The following TECRL variants were observed in gnomAD, a reference collection of about 807,000 sequenced individuals.
TECRL encodes the protein trans-2,3-enoyl-CoA reductase like.
In TECRL, 63 loss-of-function variants were observed where a neutral mutation model predicts 52.8. The observed-to-expected ratio is 1.19, with a 90% CI of 0.97 to 1.47. The LOEUF (loss-of-function observed/expected upper bound fraction) is 1.47. Among genes scored for constraint, TECRL ranks in the 40% most tolerant of loss-of-function variants. The probability of loss-of-function intolerance (pLI) is 0.00; values close to 1 mark genes in which losing one functional copy is unlikely to be tolerated. For missense variants in TECRL, 482 were observed against 429.6 expected, an observed-to-expected ratio of 1.12 and a Z score of -1.08; for synonymous variants, 164 against 141.9, an observed-to-expected ratio of 1.16 and a Z score of -1.10.
intron 2 of TECRL, among the ~76,000 whole-genome samples, chr4:64,334,370 T>G (rs1320377552): frequency 1.3e-5 from 2 of 152,178 alleles, no homozygotes; most frequent in Admixed American, 6.5e-5. Flanking sequence ...TTTGCAGTCT[T>G]GTAAATGCTA....
intron 1 of TECRL, among the ~76,000 whole-genome samples, chr4:64,384,899 A>G (rs1723070572): frequency 1.3e-5 from 2 of 152,038 alleles, no homozygotes; most frequent in South Asian, 2.1e-4. Flanking sequence ...GTTCTCCCCA[A>G]TGTTATCTGC....
chr4:64,332,492 C>A (rs1305688897), intron 2 of TECRL, among the ~76,000 whole-genome samples: 1 of 151,910 alleles, frequency 6.6e-6, no homozygotes, highest in East Asian at 1.9e-4. Flanking sequence ...TAATACCAGG[C>A]CTCAATAAAA....
intron 8 of TECRL, among the ~76,000 whole-genome samples, chr4:64,294,442 T>C (rs1173757824): frequency 6.6e-6 from 1 of 152,176 alleles, no homozygotes; most frequent in Non-Finnish European, 1.5e-5. Context: ...AGAAAATAGG[T>C]TATGATGCGT....
intron 2 of TECRL, among the ~76,000 whole-genome samples, chr4:64,370,418 T>C (rs1721895834): frequency 6.6e-6 from 1 of 151,882 alleles, no homozygotes; most frequent in South Asian, 2.1e-4. Flanking sequence ...GCTAATAATT[T>C]CTCAGAGACA....
chr4:64,346,827 T>G (rs1720023285), intron 2 of TECRL, among the ~76,000 whole-genome samples: 2 of 152,226 alleles, frequency 1.3e-5, no homozygotes, highest in African/African-American at 4.8e-5. Flanking sequence ...TCTCCTAGTC[T>G]CCTGGATATG....
chr4:64,389,261 ATAT>A (rs1240509249), intron 1 of TECRL, among the ~76,000 whole-genome samples: 3 of 151,764 alleles, frequency 2.0e-5, no homozygotes, highest in African/African-American at 7.3e-5. Flanking sequence ...TCTTTCGGAG[ATAT>A]TATTGATGAA....
In TECRL at chr4:64,322,669, C is replaced by T; in HGVS notation, c.435+20G>A. 1 of 1,524,974 alleles carries T rather than the reference C, an allele frequency of 6.6e-7. No individual in the cohort carries two copies. The highest frequency in any genetic ancestry group is 1.2e-5 in the South Asian group (1 of 82,834). The allele number at this position is 1,524,974 out of a possible 1,614,324, so 94.5% of individuals were successfully genotyped here. A position where few individuals can be genotyped will look rare whatever the true frequency, so the allele number is the denominator to read the frequency against. On this transcript the variant is annotated intron_variant, in intron 4 of 11. Transcript: ENST00000381210. The stretch of plus-strand genomic sequence containing the variant: ...AGCAAAATATGAGAAATGTATATTA[C>T]ATTTCAAATTAACACTTACTGTGGT...
chr4:64,332,797 AAG>A (rs1718737834), intron 2 of TECRL, among the ~76,000 whole-genome samples: 1 of 152,156 alleles, frequency 6.6e-6, no homozygotes, highest in East Asian at 1.9e-4. Context: ...AACTAAAGCA[AAG>A]AGAGATAAAT....
chr4:64,289,067 T>G (rs1473069038), intron 9 of TECRL, among the ~76,000 whole-genome samples: 1 of 152,170 alleles, frequency 6.6e-6, no homozygotes, highest in African/African-American at 2.4e-5. Flanking sequence ...TTCTGAAGCA[T>G]GGATTTTTAT....
At chr4:64,325,527 A>G (rs1718203343) in intron 3 of TECRL, among the ~76,000 whole-genome samples, 1 of 152,120 alleles carries the variant, frequency 6.6e-6, no homozygotes, top group Non-Finnish European at 1.5e-5. Context: ...AATCTAATAA[A>G]TGATAGTTTT....
intron 2 of TECRL, among the ~76,000 whole-genome samples, chr4:64,351,123 C>A (rs1351274985): frequency 6.8e-6 from 1 of 147,878 alleles, no homozygotes; most frequent in Admixed American, 6.9e-5. Context: ...TAGAAAGATA[C>A]CAGAGGTTGA....
At chr4:64,404,381 T>C (rs139005225) in intron 1 of TECRL, among the ~76,000 whole-genome samples, 23 of 152,170 alleles carry the variant, frequency 1.5e-4, no homozygotes, top group Non-Finnish European at 2.9e-4. Context: ...GACTTATCAG[T>C]AGATAAGCTT....
intron 5 of TECRL, among the ~76,000 whole-genome samples, chr4:64,314,042 CG>C (rs1329651640): frequency 6.7e-6 from 1 of 148,734 alleles, no homozygotes; most frequent in African/African-American, 2.5e-5. Flanking sequence ...CCCAGCTACT[CG>C]GGAGGCTGAG....
chr4:64,357,103 T>C (rs757860185), intron 2 of TECRL, among the ~76,000 whole-genome samples: 1 of 152,160 alleles, frequency 6.6e-6, no homozygotes, highest in Non-Finnish European at 1.5e-5. Context: ...ATAGTTCTTA[T>C]ATAATGCCAT....
chr4:64,288,889 C>T (rs923196194), intron 9 of TECRL, among the ~76,000 whole-genome samples: 1 of 152,174 alleles, frequency 6.6e-6, no homozygotes, highest in Non-Finnish European at 1.5e-5. Flanking sequence ...ACAACCAATT[C>T]TTTAAAAGTT....
At chr4:64,379,568 A>G (rs1287127893) in intron 1 of TECRL, among the ~76,000 whole-genome samples, 1 of 152,138 alleles carries the variant, frequency 6.6e-6, no homozygotes, top group East Asian at 1.9e-4. Flanking sequence ...GCTGTCACAC[A>G]GTAGAAGCTA....
chr4:64,385,879 ACT>A (rs1723147811), intron 1 of TECRL, among the ~76,000 whole-genome samples: 1 of 151,516 alleles, frequency 6.6e-6, no homozygotes, highest in South Asian at 2.1e-4. Flanking sequence ...CCATTGGGAA[ACT>A]CTTGCTTACC....
At position 64,281,467 on chromosome 4, in the gene TECRL, A is replaced by G. The variant is rs1176686787; in HGVS notation, c.918+7T>C. The G allele has an allele frequency of 6.5e-7, 1 of 1,541,246 alleles. No individual in the cohort carries two copies. Among genetic ancestry groups the G allele is most frequent in the Non-Finnish European group, 8.9e-7 (1 of 1,121,504 alleles). ...GATTCAAGCATTTACATACATAAAT[A>G]ACATACCTCATAGGTGTAGTTAGGA... On this transcript the variant is annotated splice_region_variant and intron_variant, in intron 10 of 11. Coordinates refer to ENST00000381210, the MANE Select transcript of TECRL (RefSeq NM_001010874.5).
chr4:64,276,600 A>T (rs1577782479), downstream of TECRL: 1 of 152,468 alleles, frequency 6.6e-6, no homozygotes, highest in East Asian at 1.9e-4. Context: ...AAACACACTG[A>T]TATGTAAATG....
Sources: allele counts gnomAD v4.1 joint callset (sites outside exome capture counted in the v4.1 genomes callset), GRCh38; gene constraint gnomAD v4.1.1; transcripts MANE v1.5; gene names NCBI Gene and HGNC (gene_info 2026-07-23, HGNC 2026-07-21).